SGCD: variants seen among roughly 807,000 people sequenced by gnomAD.
The protein encoded by SGCD is delta-sarcoglycan.
A neutral mutation model predicts 36.6 loss-of-function variants in SGCD; 18 were observed. The observed-to-expected ratio is 0.49, with a 90% CI of 0.34 to 0.73. SGCD has a LOEUF of 0.73. SGCD is among the 30% of genes least tolerant of loss of function. SGCD has a pLI of 0.01. For synonymous variants in SGCD, 133 were observed against 130.6 expected (o/e 1.02, Z -0.12); for missense variants, 387 against 346.7 (o/e 1.12, Z -0.92).
intron 1 of SGCD, among the ~76,000 whole-genome samples, chr5:155,984,396 G>A (rs1039073483): frequency 6.6e-6 from 1 of 152,178 alleles, no homozygotes; most frequent in Non-Finnish European, 1.5e-5. Context: ...TGTTTCGTAA[G>A]CCTTGGATTA....
At chr5:155,751,570 G>A in the SGCD span, among the ~76,000 whole-genome samples, 1 of 151,412 alleles carries the variant, frequency 6.6e-6, no homozygotes, top group Non-Finnish European at 1.5e-5. Context: ...TATATTTTTG[G>A]TAGAGATGGG....
At chr5:156,425,927 A>T (rs761614998) in intron 3 of SGCD, among the ~76,000 whole-genome samples, 5 of 152,032 alleles carry the variant, frequency 3.3e-5, no homozygotes, top group Non-Finnish European at 1.5e-5. Flanking sequence ...TCCACAGTAC[A>T]TATATACCAA....
intron 1 of SGCD, among the ~76,000 whole-genome samples, chr5:155,873,953 T>C (rs1755711055): frequency 6.6e-6 from 1 of 152,176 alleles, no homozygotes; most frequent in Admixed American, 6.6e-5. Context: ...CAGGATCAAT[T>C]TTTATATAGC....
intron 1 of SGCD, among the ~76,000 whole-genome samples, chr5:156,101,941 T>TGTGTGTGTGTGTGTGA (rs1218348339): frequency 8.9e-4 from 123 of 138,336 alleles, no homozygotes; most frequent in Middle Eastern, 7.7e-3. Context: ...TGTGTGTGTG[T>TGTGTGTGTGTGTGTGA]GAGAGAGAGA....
At chr5:156,330,016 CAAAAAAAAA>C (rs758475764) in intron 2 of SGCD, among the ~76,000 whole-genome samples, 1 of 57,564 alleles carries the variant, frequency 1.7e-5, no homozygotes, top group Non-Finnish European at 3.3e-5. Context: ...GATTCAGTCT[CAAAAAAAAA>C]AAAAAAAAAA....
At chr5:156,480,749 C>G (rs750192232) in intron 3 of SGCD, among the ~76,000 whole-genome samples, 8 of 152,330 alleles carry the variant, frequency 5.3e-5, no homozygotes, top group Non-Finnish European at 1.0e-4. Context: ...GCAATTGCCA[C>G]TACTGAAAAT....
At chr5:156,544,427 CA>C (rs1223529156) in intron 4 of SGCD, among the ~76,000 whole-genome samples, 1 of 152,040 alleles carries the variant, frequency 6.6e-6, no homozygotes, top group African/African-American at 2.4e-5. Flanking sequence ...GTAACTTTGC[CA>C]AATTATGTGA....
chr5:156,264,525 A>G (rs1366228), intron 3 of SGCD, among the ~76,000 whole-genome samples: 32,608 of 152,120 alleles, frequency 0.21, 3,911 homozygotes, highest in Admixed American at 0.27. Flanking sequence ...TCAAATTCCA[A>G]TGCTATCACT....
At chr5:156,569,166 T>G (rs1277360885) in intron 4 of SGCD, among the ~76,000 whole-genome samples, 1 of 152,184 alleles carries the variant, frequency 6.6e-6, no homozygotes, top group African/African-American at 2.4e-5. Flanking sequence ...GCTTTGATAT[T>G]TATTCATGTG....
intron 4 of SGCD, among the ~76,000 whole-genome samples, chr5:156,556,704 C>T (rs377069639): frequency 6.6e-6 from 1 of 152,152 alleles, no homozygotes; most frequent in Admixed American, 6.6e-5. Context: ...AATGTAGAGT[C>T]AAGTCATGTG....
intron 3 of SGCD, among the ~76,000 whole-genome samples, chr5:156,202,013 C>T (rs28551600): frequency 2.1e-3 from 317 of 152,196 alleles, no homozygotes; most frequent in African/African-American, 7.3e-3. Context: ...AAGAGTTTCA[C>T]GTTGTTGTTG....
At chr5:156,419,915 A>G (rs570515417) in intron 3 of SGCD, among the ~76,000 whole-genome samples, 1 of 152,178 alleles carries the variant, frequency 6.6e-6, no homozygotes, top group South Asian at 2.1e-4. Context: ...AAATCACACA[A>G]TGAGCTGCTT....
the SGCD span, among the ~76,000 whole-genome samples, chr5:155,781,610 C>T: frequency 2.4e-4 from 36 of 152,118 alleles, no homozygotes; most frequent in African/African-American, 8.4e-4. Flanking sequence ...TGTAGGCATG[C>T]ACTACTATGC....
intron 3 of SGCD, among the ~76,000 whole-genome samples, chr5:156,443,297 A>C (rs1345602350): frequency 6.6e-6 from 1 of 152,026 alleles, no homozygotes; most frequent in East Asian, 1.9e-4. Context: ...CTACCTTCTT[A>C]TTGACTGTTT....
the SGCD span, among the ~76,000 whole-genome samples, chr5:155,780,838 G>A: frequency 6.6e-6 from 1 of 152,100 alleles, no homozygotes; most frequent in African/African-American, 2.4e-5. Flanking sequence ...GACCCCAAAG[G>A]ACTCTGAGAA....
chr5:156,505,802 C>CCCCT (rs1561741894), intron 3 of SGCD, among the ~76,000 whole-genome samples: 1 of 150,950 alleles, frequency 6.6e-6, no homozygotes, highest in Admixed American at 6.6e-5. Context: ...CACACACACA[C>CCCCT]ACCCCTACCC....
intron 1 of SGCD, among the ~76,000 whole-genome samples, chr5:156,115,104 A>G (rs1471656086): frequency 6.6e-6 from 1 of 152,064 alleles, no homozygotes; most frequent in Non-Finnish European, 1.5e-5. Context: ...ACAATAAAAT[A>G]TTTTCGATGT....
chr5:155,901,883 A>G (rs1455749539), intron 1 of SGCD, among the ~76,000 whole-genome samples: 1 of 152,232 alleles, frequency 6.6e-6, no homozygotes, highest in South Asian at 2.1e-4. Flanking sequence ...TAGATCAAGA[A>G]CAGAAATGAC....
At chr5:155,971,806 G>A (rs1281763335) in intron 1 of SGCD, among the ~76,000 whole-genome samples, 1 of 151,950 alleles carries the variant, frequency 6.6e-6, no homozygotes, top group East Asian at 1.9e-4. Context: ...GGCTATCCTG[G>A]GAAATAAGGC....
Sources: gnomAD v4.1 joint callset for allele counts (sites outside exome capture counted in the v4.1 genomes callset) on GRCh38, gnomAD v4.1.1 for gene constraint, MANE v1.5 for transcripts, NCBI Gene and HGNC (gene_info 2026-07-23, HGNC 2026-07-21) for gene names.